Variants in ALMS1 observed in about 807,000 individuals in gnomAD.
The protein encoded by ALMS1 is ALMS1 centrosome and basal body associated protein, also known as centrosome-associated protein ALMS1.
Under a neutral mutation model 352.2 loss-of-function variants are expected in ALMS1, and 271 were observed. The ratio of observed to expected loss-of-function variants is 0.77; its 90% CI spans 0.70 to 0.85. The LOEUF is 0.85. ALMS1 is among the 40% of genes least tolerant of loss of function. The probability of loss-of-function intolerance (pLI) is 0.00; values close to 1 mark genes in which losing one functional copy is unlikely to be tolerated. For missense variants in ALMS1, 5,445 were observed against 4,870.7 expected, an observed-to-expected ratio of 1.12 and a Z score of -3.51; for synonymous variants, 1,865 against 1,761.2, an observed-to-expected ratio of 1.06 and a Z score of -1.48.
chr2:73,494,579 C>A (rs762885679), intron 10 of ALMS1, among the ~76,000 whole-genome samples: 26 of 152,182 alleles, frequency 1.7e-4, no homozygotes, highest in Admixed American at 7.8e-4. Flanking sequence ...GTTTCCCAGT[C>A]TTTTTTTGTC....
Position 73,534,858 on chromosome 2 carries a change from T to C in ALMS1, c.9816T>C (p.Gly3272=). ...QPLLLPYKPS[G]STKMYYVPQL... ...TATTATTGCCATATAAGCCTTCTGG[T>C]AGTACCAAGATGTATTATGTTCCAC... The change falls in exon 12 of 23, where the codon GGT becomes GGC. Residue 3272 remains glycine (G), a synonymous_variant. Coordinates refer to ENST00000613296, the MANE Select transcript of ALMS1 (RefSeq NM_001378454.1). 2 of 1,613,694 alleles carry C rather than the reference T, an allele frequency of 1.2e-6. No homozygotes were observed. Among genetic ancestry groups the C allele is most frequent in the Non-Finnish European group, 1.7e-6 (2 of 1,179,670 alleles).
Position 73,572,677 on chromosome 2 carries a change from A to G in ALMS1, c.10800A>G (p.Glu3600=). The G allele has an allele frequency of 6.2e-7, 1 of 1,614,086 alleles. No homozygotes were observed. Among genetic ancestry groups the G allele is most frequent in the Admixed American group, 1.7e-5 (1 of 59,980 alleles). Residue 3600 remains glutamate (E), a synonymous_variant, in exon 16 of 23, where the codon GAA becomes GAG. Transcript: ENST00000613296. The part of the protein sequence containing the change: ...QTTQHTVSLN[E]LWNKYRERQR... Reference sequence around the variant, plus strand: ...CTCAGCACACTGTGAGTTTGAATGAACTGTGGAACAAGTATCGGGAGCGAC... The same window carrying G: ...CTCAGCACACTGTGAGTTTGAATGAGCTGTGGAACAAGTATCGGGAGCGAC...
intron 3 of ALMS1, among the ~76,000 whole-genome samples, chr2:73,420,232 A>G (rs1013280258): frequency 2.6e-5 from 4 of 152,198 alleles, no homozygotes; most frequent in African/African-American, 7.2e-5. Context: ...CTAGGGGTAT[A>G]TAGATGAAAG....
intron 5 of ALMS1, among the ~76,000 whole-genome samples, chr2:73,425,720 A>T (rs1167023457): frequency 1.3e-5 from 2 of 152,182 alleles, no homozygotes; most frequent in African/African-American, 4.8e-5. Context: ...CCATTAAATT[A>T]TAATGATGAA....
chr2:73,444,520 T>TA (rs1671771689), intron 7 of ALMS1, among the ~76,000 whole-genome samples: 1 of 152,188 alleles, frequency 6.6e-6, no homozygotes, highest in South Asian at 2.1e-4. Context: ...AAAAAGAACT[T>TA]AGTGATAGCA....
chr2:73,404,899 CTTTTTTTTTT>C (rs58122480), intron 1 of ALMS1, among the ~76,000 whole-genome samples: 10 of 60,782 alleles, frequency 1.6e-4, no homozygotes, highest in African/African-American at 3.2e-4. Flanking sequence ...TGTCCTGGAC[CTTTTTTTTTT>C]TTTTTTTTTT....
chr2:73,432,223 C>G lies in ALMS1; in HGVS notation c.1364C>G (p.Ser455Cys), dbSNP rs1455759774. Residue 455 changes from serine (S) to cysteine (C), a missense_variant, in exon 7 of 23, where the codon TCT becomes TGT. By Grantham distance (112) the Ser-to-Cys change is moderately radical. Coordinates refer to ENST00000613296, the MANE Select transcript of ALMS1 (RefSeq NM_001378454.1). ...RKPTRESEYH[S>C]SDLRMLRMSP... is the part of the protein sequence containing the mutation. Reference sequence around the variant, plus strand: ...CCAACAAGAGAGTCGGAATATCACTCTTCAGATCTCAGAATGTTGAGGATG... The same window carrying G: ...CCAACAAGAGAGTCGGAATATCACTGTTCAGATCTCAGAATGTTGAGGATG... 1.9e-6 allele frequency: 3 copies of G among 1,613,276 alleles called. No homozygotes were observed. The highest frequency in any genetic ancestry group is 2.5e-6 in the Non-Finnish European group (3 of 1,179,504).
rs1451581144 is a variant in ALMS1 at position 73,489,803 on chromosome 2, G to A, written c.7844G>A (p.Gly2615Glu). The A allele has an allele frequency of 1.9e-6, 3 of 1,613,972 alleles. No homozygotes were observed. The highest frequency in any genetic ancestry group is 2.5e-6 in the Non-Finnish European group (3 of 1,180,012). The change falls in exon 10 of 23, where the codon GGA becomes GAA. Residue 2615 changes from glycine to glutamate, a missense_variant. Transcript: ENST00000613296. ...RSAGPSEMTR[G>E]RQNPSSCRAK... ...GCTGGACCCTCAGAAATGACCAGAG[G>A]ACGGCAGAACCCATCATCATGCAGA...
At chr2:73,474,983 A>G (rs957785166) in intron 9 of ALMS1, among the ~76,000 whole-genome samples, 2 of 152,234 alleles carry the variant, frequency 1.3e-5, no homozygotes, top group Non-Finnish European at 2.9e-5. Flanking sequence ...ATTTTATATA[A>G]ACAGAATTGT....
In ALMS1 at chr2:73,600,676, A is replaced by G. The variant is rs952110960; in HGVS notation, c.11669-2A>G. ...AGAGACACCTATGATCCTTCCCCTC[A>G]GGTAACTTGGAGATTGTGAACGGTG... On this transcript the variant is annotated splice_acceptor_variant, in intron 17 of 22. Transcript: ENST00000613296. LOFTEE classifies it high-confidence loss of function. The G allele has an allele frequency of 3.7e-6, 6 of 1,611,758 alleles. No individual in the cohort carries two copies. In the African/African-American group the frequency reaches 6.7e-5, roughly 18 times the overall value.
intron 14 of ALMS1, 128 bp downstream of exon 14, chr2:73,557,482 A>G: frequency 8.4e-7 from 1 of 1,196,632 alleles, no homozygotes. Flanking sequence ...CTTCTATCTC[A>G]TGTATATATG....
At chr2:73,488,230 GC>G (rs919085625) in intron 9 of ALMS1, among the ~76,000 whole-genome samples, 5 of 152,202 alleles carry the variant, frequency 3.3e-5, no homozygotes, top group Non-Finnish European at 7.4e-5. Flanking sequence ...GCTGCCCTCA[GC>G]CCTCCCTGCC....
chr2:73,385,942 AAGAG>A lies in ALMS1; in HGVS notation c.75_78del (p.Glu26ArgfsTer14). 9 of 1,202,782 alleles carry A rather than the reference AAGAG, an allele frequency of 7.5e-6. No homozygotes were observed. In the Admixed American group the frequency reaches 1.8e-4, roughly 25 times the overall value. 74.5% of individuals were successfully genotyped at this position (1,202,782 alleles called of 1,614,324 possible). A position where few individuals can be genotyped will look rare whatever the true frequency, so the allele number is the denominator to read the frequency against. On this transcript the variant is annotated frameshift_variant, in exon 1 of 23. Transcript: ENST00000613296. LOFTEE classifies it high-confidence loss of function. ...GAGGAGGAGGAGGAGGAGGAGGAGG[AAGAG>A]GAGGAGGCTGCAGCGGCGGCGGCGG...
At chr2:73,584,728 T>C (rs908595706) in intron 16 of ALMS1, among the ~76,000 whole-genome samples, 1 of 152,204 alleles carries the variant, frequency 6.6e-6, no homozygotes, top group Non-Finnish European at 1.5e-5. Context: ...GGTGCACCCA[T>C]CACCTGAGCA....
At position 73,601,398 on chromosome 2, in the gene ALMS1, A is replaced by G. The variant is rs754439156; in HGVS notation, c.12076A>G (p.Arg4026Gly). ...GGCAGGCCCAGGCAGAGAGGCTGGC[A>G]GAGACCTACTGAGGCCATTTGTGAG... ...YLAGPGREAG[R>G]DLLRPFVRAT... Residue 4026 changes from arginine (R) to glycine (G), a missense_variant, in exon 19 of 23, where the codon AGA (arginine) becomes GGA (glycine). Transcript: ENST00000613296. The G allele has an allele frequency of 8.1e-6, 13 of 1,614,076 alleles. No homozygotes were observed. The East Asian group carries it at 2.9e-4, about 36-fold the overall frequency.
chr2:73,522,365 C>G (rs1003290083), intron 11 of ALMS1, among the ~76,000 whole-genome samples: 5 of 151,962 alleles, frequency 3.3e-5, no homozygotes, highest in Non-Finnish European at 5.9e-5. Context: ...CGGGAACGAC[C>G]AAATAGAATT....
At chr2:73,609,297 C>T (rs987660486) in intron 22 of ALMS1, among the ~76,000 whole-genome samples, 2 of 152,218 alleles carry the variant, frequency 1.3e-5, no homozygotes, top group African/African-American at 4.8e-5. Context: ...ATCGCAGGGC[C>T]AGGCCTCTCC....
At chr2:73,443,239 G>GT (rs1671751041) in intron 7 of ALMS1, among the ~76,000 whole-genome samples, 2 of 152,260 alleles carry the variant, frequency 1.3e-5, no homozygotes, top group Middle Eastern at 3.4e-3. Context: ...TTAGTACATA[G>GT]TAGAAGGTCC....
intron 9 of ALMS1, among the ~76,000 whole-genome samples, chr2:73,481,548 T>G (rs36057913): frequency 0.057 from 8,655 of 151,416 alleles, 627 homozygotes; most frequent in African/African-American, 0.16. Flanking sequence ...TAGGATTGAC[T>G]TGGCGATGCA....
Sources: gnomAD v4.1 joint callset for allele counts (sites outside exome capture counted in the v4.1 genomes callset) on GRCh38, gnomAD v4.1.1 for gene constraint, MANE v1.5 for transcripts, NCBI Gene and HGNC (gene_info 2026-07-23, HGNC 2026-07-21) for gene names.